Variants in GPS1 observed in about 807,000 individuals in gnomAD.
The protein encoded by GPS1 is G protein pathway suppressor 1.
Under a neutral mutation model 60.0 loss-of-function variants are expected in GPS1, and 11 were observed. The ratio of observed to expected loss-of-function variants is 0.18; its 90% CI spans 0.12 to 0.30. GPS1 has a LOEUF of 0.30. Among genes scored for constraint, GPS1 ranks in the 10% least tolerant of loss-of-function variants. The probability of loss-of-function intolerance (pLI) is 1.00; values close to 1 mark genes in which losing one functional copy is unlikely to be tolerated. For synonymous variants in GPS1, 343 were observed against 269.8 expected, an observed-to-expected ratio of 1.27 and a Z score of -2.66; for missense variants, 543 against 669.2, an observed-to-expected ratio of 0.81 and a Z score of 2.08.
chr17:82,054,328 G>A (rs1217377582), intron 3 of GPS1, 182 bp from the exon 4 acceptor site: 1 of 896,354 alleles, frequency 1.1e-6, no homozygotes, highest in Non-Finnish European at 1.6e-6. Context: ...AGGCTCCTGG[G>A]GCAGCAGTTC....
Position 82,056,652 on chromosome 17 carries a change from C to T in GPS1, c.1140C>T (p.Ala380=), listed in dbSNP as rs143316300. The change falls in exon 11 of 13, where the codon GCC becomes GCT. Residue 380 remains alanine (A), a synonymous_variant. Coordinates refer to ENST00000578552, the MANE Select transcript of GPS1 (RefSeq NM_001321092.3). ...AGTATTTCAGCCCCTACGTGTCAGC[C>T]GACATGCATAGGATGGCGGCAGCCT... is the stretch of plus-strand genomic sequence containing the variant. ...LIQYFSPYVS[A]DMHRMAAAFN... The T allele has an allele frequency of 1.7e-5, 27 of 1,607,456 alleles. No homozygotes were observed. In the East Asian group the frequency reaches 2.5e-4, roughly 15 times the overall value.
chr17:82,051,128 G>T (rs1412351548), upstream of GPS1: 2 of 1,325,890 alleles, frequency 1.5e-6, no homozygotes, highest in South Asian at 2.3e-5. The surrounding 1 kb of genome is among the most constrained non-coding windows in gnomAD (Gnocchi z 4.1). Flanking sequence ...TGGCTGGCAG[G>T]GTGGGCCCTC....
At position 82,053,858 on chromosome 17, in the gene GPS1, C is replaced by G; in HGVS notation, c.127-10C>G. On this transcript the variant is annotated splice_polypyrimidine_tract_variant and intron_variant, in intron 2 of 12. Transcript: ENST00000578552. ...CATCCTGCCTGACTCTTGTCTGTGC[C>G]TGCTCCCAGGATCTGGAACAGTACG... 6.2e-7 allele frequency: 1 copy of G among 1,601,766 alleles called. No individual in the cohort carries two copies. Among genetic ancestry groups the G allele is most frequent in the Admixed American group, 1.7e-5 (1 of 59,680 alleles).
chr17:82,055,808 C>G lies in GPS1; in HGVS notation c.817C>G (p.His273Asp). ...AKCLLLASFDHCDFPELLSPS... is the reference protein window; with the variant it reads ...AKCLLLASFDDCDFPELLSPS... ...GTGCCTCCTGCTGGCTTCCTTTGAT[C>G]ACTGTGACTTCCCTGAGGTGAGGAG... The change falls in exon 7 of 13, where the codon CAC (histidine) becomes GAC (aspartate). Residue 273 changes from histidine to aspartate, a missense_variant. Physicochemically the swap from His to Asp is moderately conservative, Grantham distance 81. Around this residue, in one of 3 missense-constraint regions of GPS1, gnomAD observed 291 missense variants for 353.7 expected, o/e 0.82. Coordinates refer to ENST00000578552, the MANE Select transcript of GPS1 (RefSeq NM_001321092.3). The G allele has an allele frequency of 6.4e-7, 1 of 1,563,460 alleles. No individual in the cohort carries two copies. The highest frequency in any genetic ancestry group is 8.7e-7 in the Non-Finnish European group (1 of 1,153,194).
chr17:82,055,262 C>G (rs1470602955), intron 6 of GPS1, 40 bp downstream of exon 6: 2 of 1,546,490 alleles, frequency 1.3e-6, no homozygotes, highest in East Asian at 2.4e-5. Flanking sequence ...CCACGTTCCC[C>G]TGTTGCTAAG....
At chr17:82,051,088 T>C (rs1046289141), upstream of GPS1, 22 of 1,366,812 alleles carry the variant, frequency 1.6e-5, no homozygotes, top group East Asian at 4.5e-4. The surrounding 1 kb of genome is among the most constrained non-coding windows in gnomAD (Gnocchi z 4.1). Flanking sequence ...GGGAAGCGGC[T>C]AGTGTGAGAG....
chr17:82,057,089 C>A lies in GPS1; in HGVS notation c.1426C>A (p.Pro476Thr). The A allele has an allele frequency of 1.9e-6, 3 of 1,579,568 alleles. No individual in the cohort carries two copies. Among genetic ancestry groups the A allele is most frequent in the Non-Finnish European group, 2.6e-6 (3 of 1,160,608 alleles). The change falls in exon 13 of 13, where the codon CCA (proline) becomes ACA (threonine). Residue 476 changes from proline to threonine, a missense_variant. Pro to Thr is a conservative substitution (Grantham distance 38). Around this residue, in one of 3 missense-constraint regions of GPS1, gnomAD observed 291 missense variants for 353.7 expected, o/e 0.82. Transcript: ENST00000578552. ...PREGSQGELT[P>T]ANSQSRMSTN... ...AGAAGGGAGCCAGGGGGAGCTGACT[C>A]CAGCCAACAGCCAGTCCCGGATGAG...
chr17:82,056,404 TG>T lies in GPS1; in HGVS notation c.1035+17del, dbSNP rs2032770618. 6.2e-7 allele frequency: 1 copy of T among 1,604,434 alleles called. No individual in the cohort carries two copies. Among genetic ancestry groups the T allele is most frequent in the African/African-American group, 1.3e-5 (1 of 74,640 alleles). On this transcript the variant is annotated intron_variant, in intron 9 of 12. Transcript: ENST00000578552. ...GGACGAGATGAAGGTGGGCCCCGCC[TG>T]GGGTAGGGGTGAGGTGGGGCCCTGC...
At chr17:82,052,783 C>T in intron 1 of GPS1, 1 of 388,768 alleles carries the variant, frequency 2.6e-6, no homozygotes. Context: ...TGACTCTTTT[C>T]CCCTTCTCCC....
Position 82,057,244 on chromosome 17 carries a change from C to T in GPS1, c.*117C>T. 1 of 1,345,506 alleles carries T rather than the reference C, an allele frequency of 7.4e-7. No homozygotes were observed. Among genetic ancestry groups the T allele is most frequent in the Non-Finnish European group, 1.0e-6 (1 of 952,394 alleles). The allele number at this position is 1,345,506 out of a possible 1,614,324, so 83.3% of individuals were successfully genotyped here. Reference sequence around the variant, plus strand: ...GCTAAGGGGCCTGGCCACTGGGTGCCACCCAGCCTGTGTGCCCTCCCTGGG... The same window carrying T: ...GCTAAGGGGCCTGGCCACTGGGTGCTACCCAGCCTGTGTGCCCTCCCTGGG... On this transcript the variant is annotated 3_prime_UTR_variant, in exon 13 of 13. Transcript: ENST00000578552.
chr17:82,055,998 C>T lies in GPS1; in HGVS notation c.835-3C>T. ...CCTGTGACGCCAGGTCTCTGCTCCT[C>T]AGCTGCTGTCCCCCAGCAACGTGGC... On this transcript the variant is annotated splice_region_variant and splice_polypyrimidine_tract_variant and intron_variant, in intron 7 of 12. Coordinates refer to ENST00000578552, the MANE Select transcript of GPS1 (RefSeq NM_001321092.3). 1 of 1,605,960 alleles carries T rather than the reference C, an allele frequency of 6.2e-7. No individual in the cohort carries two copies.
upstream of GPS1, chr17:82,051,201 A>C (rs1317812992): frequency 7.7e-7 from 1 of 1,305,550 alleles, no homozygotes; most frequent in Non-Finnish European, 9.8e-7. The surrounding 1 kb of genome is among the most constrained non-coding windows in gnomAD (Gnocchi z 4.1). Flanking sequence ...TGGGCAGAGA[A>C]AGGCACCCAC....
At chr17:82,051,000 G>C, upstream of GPS1, 1 of 1,416,212 alleles carries the variant, frequency 7.1e-7, no homozygotes, top group South Asian at 1.6e-5. Context: ...GACGGAGGCA[G>C]CTCGCCCTGA....
intron 7 of GPS1, 74 bp downstream of exon 7, chr17:82,055,899 G>A (rs2032566419): frequency 6.9e-7 from 1 of 1,455,426 alleles, no homozygotes; most frequent in Non-Finnish European, 9.5e-7. Context: ...GGAGGGTGAG[G>A]TCTCTCACAA....
chr17:82,051,315 G>A (rs777629635), upstream of GPS1: 12 of 1,442,640 alleles, frequency 8.3e-6, no homozygotes, highest in Non-Finnish European at 9.1e-6. The surrounding 1 kb of genome is among the most constrained non-coding windows in gnomAD (Gnocchi z 4.1). Flanking sequence ...TCGAGCTCAG[G>A]GTCGTCCCCG....
upstream of GPS1, chr17:82,051,804 C>G (rs1214449705): frequency 1.8e-6 from 2 of 1,130,178 alleles, no homozygotes; most frequent in Non-Finnish European, 2.2e-6. The surrounding 1 kb of genome is among the most constrained non-coding windows in gnomAD (Gnocchi z 4.1). Flanking sequence ...AGCGGAGAAC[C>G]TGGCCGGAGC....
intron 2 of GPS1, 32 bp downstream of exon 2, chr17:82,053,398 C>A: frequency 7.0e-7 from 1 of 1,420,168 alleles, no homozygotes; most frequent in Non-Finnish European, 9.2e-7. Context: ...CCTTGGGTGT[C>A]TCAGTCCTGC....
chr17:82,051,078 G>A (rs771950209), upstream of GPS1: 24 of 1,370,206 alleles, frequency 1.8e-5, no homozygotes, highest in East Asian at 2.8e-5. This position sits in a 1 kb window ranked among gnomAD's most constrained non-coding sequence, Gnocchi z 4.1. Context: ...CCCACGCCCC[G>A]GGAAGCGGCT....
intron 1 of GPS1, chr17:82,052,434 T>A: frequency 6.2e-7 from 1 of 1,611,518 alleles, no homozygotes; most frequent in Non-Finnish European, 8.5e-7. Flanking sequence ...AGCGCCAGCC[T>A]GTCGGCCTGT....
Sources: allele counts gnomAD v4.1 joint callset, GRCh38; gene constraint gnomAD v4.1.1; regional missense constraint gnomAD v4.1.1; non-coding constraint Gnocchi (gnomAD v3.1); transcripts MANE v1.5; gene names NCBI Gene and HGNC (gene_info 2026-07-23, HGNC 2026-07-21).